TKT: variants seen among roughly 807,000 people sequenced by gnomAD.
TKT encodes the protein transketolase, also known as epididymis luminal protein 107.
In TKT, 47 loss-of-function variants were observed where a neutral mutation model predicts 63.9. That is an observed-to-expected ratio of 0.74 (90% CI 0.58 to 0.94). The LOEUF is 0.94. TKT is among the 40% of genes least tolerant of loss of function. The probability of loss-of-function intolerance (pLI) is 0.00; values close to 1 mark genes in which losing one functional copy is unlikely to be tolerated. For missense variants in TKT, 721 were observed against 846.2 expected (o/e 0.85, Z 1.84); for synonymous variants, 338 against 334.1 (o/e 1.01, Z -0.13).
intron 1 of TKT, among the ~76,000 whole-genome samples, chr3:53,247,004 C>A (rs943229843): frequency 3.3e-5 from 5 of 152,040 alleles, no homozygotes; most frequent in African/African-American, 9.7e-5. Context: ...GGAGCAGCTA[C>A]ACACAGGTTC....
chr3:53,242,374 G>A (rs893941143), intron 1 of TKT, 132 bp from the exon 2 acceptor site: 23 of 846,850 alleles, frequency 2.7e-5, no homozygotes, highest in East Asian at 1.3e-4. Flanking sequence ...AGACAGCCAC[G>A]AGCTCTTGTT....
chr3:53,246,783 G>A (rs782356415), intron 1 of TKT, among the ~76,000 whole-genome samples: 24 of 151,610 alleles, frequency 1.6e-4, no homozygotes, highest in East Asian at 5.8e-4. Flanking sequence ...CCCGGGAGGC[G>A]GAGGTTGAAG....
intron 8 of TKT, 52 bp from the exon 9 acceptor site, chr3:53,229,488 G>A (rs782656783): frequency 1.1e-5 from 17 of 1,552,642 alleles, no homozygotes; most frequent in African/African-American, 8.2e-5. Flanking sequence ...GAGGGTGGTC[G>A]GGGAGCCTAG....
Position 53,229,339 on chromosome 3 carries a change from A to G in TKT, c.1205T>C (p.Met402Thr). The G allele has an allele frequency of 6.2e-7, 1 of 1,614,004 alleles. No homozygotes were observed. The highest frequency in any genetic ancestry group is 8.5e-7 in the Non-Finnish European group (1 of 1,179,962). Reference sequence around the variant, plus strand: ...GATGTTGCTCTCGGAGATGGCGGCCATGCGAATCTGGTCAAAGGCCCGCGT... The same window carrying G: ...GATGTTGCTCTCGGAGATGGCGGCCGTGCGAATCTGGTCAAAGGCCCGCGT... ...FFTRAFDQIR[M>T]AAISESNINL... is the part of the protein sequence containing the mutation. Residue 402 changes from methionine to threonine, a missense_variant, in exon 9 of 14, where the codon ATG becomes ACG. Physicochemically the swap from Met to Thr is moderately conservative, Grantham distance 81 (BLOSUM62 -1). Coordinates refer to ENST00000462138, the MANE Select transcript of TKT (RefSeq NM_001064.4).
intron 8 of TKT, among the ~76,000 whole-genome samples, chr3:53,230,143 C>G (rs111371204): frequency 6.6e-6 from 1 of 152,172 alleles, no homozygotes; most frequent in Non-Finnish European, 1.5e-5. Flanking sequence ...ACCTACTGGC[C>G]AGGCCTGTCC....
intron 12 of TKT, 73 bp from the exon 13 acceptor site, chr3:53,226,951 G>A (rs1165194665): frequency 2.6e-6 from 4 of 1,530,276 alleles, no homozygotes; most frequent in African/African-American, 2.8e-5. Flanking sequence ...GGGGCCTGGT[G>A]GGACATCCTG....
At chr3:53,246,082 A>G (rs7617474) in intron 1 of TKT, among the ~76,000 whole-genome samples, 94,859 of 152,006 alleles carry the variant, frequency 0.62, 32,737 homozygotes, top group Non-Finnish European at 0.77. Flanking sequence ...AACCTGGCCA[A>G]CATGGTGAAA....
At chr3:53,232,485 C>A (rs1311047254) in intron 6 of TKT, 2 of 398,892 alleles carry the variant, frequency 5.0e-6, no homozygotes, top group African/African-American at 2.1e-5. Context: ...TGGGATCAGC[C>A]CCCCTCGTGC....
At chr3:53,225,962 G>A (rs201747579) in intron 13 of TKT, 31 bp from the exon 14 acceptor site, 7 of 1,591,880 alleles carry the variant, frequency 4.4e-6, no homozygotes, top group East Asian at 4.5e-5. Flanking sequence ...GTCAGAAGAC[G>A]AGGCCTCAGG....
At chr3:53,254,723 G>A (rs531383522) in intron 1 of TKT, among the ~76,000 whole-genome samples, 1 of 152,294 alleles carries the variant, frequency 6.6e-6, no homozygotes, top group Non-Finnish European at 1.5e-5. Context: ...GTGGTTAAGT[G>A]CCATTACTGT....
At chr3:53,234,931 C>T (rs368775022) in intron 5 of TKT, 52 bp downstream of exon 5, 2 of 1,532,752 alleles carry the variant, frequency 1.3e-6, no homozygotes, top group African/African-American at 2.7e-5. Context: ...GCTGTGATCA[C>T]AGACCACTCT....
intron 1 of TKT, among the ~76,000 whole-genome samples, chr3:53,248,908 A>C (rs1430294249): frequency 6.6e-6 from 1 of 152,178 alleles, no homozygotes; most frequent in African/African-American, 2.4e-5. Context: ...AAAATCACTT[A>C]CAATGTTATG....
intron 11 of TKT, 54 bp from the exon 12 acceptor site, chr3:53,228,203 CCT>C (rs1704584296): frequency 6.2e-7 from 1 of 1,613,492 alleles, no homozygotes; most frequent in Admixed American, 1.7e-5. Flanking sequence ...CAGGGTGTGC[CCT>C]GACTGCTGGG....
At chr3:53,247,334 G>T (rs1301532319) in intron 1 of TKT, among the ~76,000 whole-genome samples, 1 of 133,494 alleles carries the variant, frequency 7.5e-6, no homozygotes, top group African/African-American at 2.8e-5. Context: ...TCCAGCCTGG[G>T]AGACAAGAGT....
chr3:53,233,094 C>T, intron 6 of TKT, 62 bp downstream of exon 6: 4 of 1,421,456 alleles, frequency 2.8e-6, no homozygotes, highest in Admixed American at 1.7e-5. Flanking sequence ...CGGGTCAGAG[C>T]TACGTAGCCA....
chr3:53,240,188 TG>T, intron 4 of TKT, 62 bp downstream of exon 4: 1 of 1,492,440 alleles, frequency 6.7e-7, no homozygotes, highest in Non-Finnish European at 9.3e-7. Flanking sequence ...TGGTGAAGGG[TG>T]GGTCACCCAA....
rs1704639262 is a variant in TKT, at chr3:53,229,322, T to C, written c.1222A>G (p.Ser408Gly). The change falls in exon 9 of 14, where the codon AGC becomes GGC. Residue 408 changes from serine (S) to glycine (G), a missense_variant. Physicochemically the swap from Ser to Gly is moderately conservative, Grantham distance 56. Transcript: ENST00000462138. ...TGGGAGCCGCAGAGGTTGATGTTGC[T>C]CTCGGAGATGGCGGCCATGCGAATC... Reference protein sequence around the residue: ...DQIRMAAISESNINLCGSHCG... With the variant: ...DQIRMAAISEGNINLCGSHCG... 3 of 1,613,746 alleles carry C rather than the reference T, an allele frequency of 1.9e-6. No individual in the cohort carries two copies. In the South Asian group the frequency reaches 3.3e-5, roughly 18 times the overall value.
intron 1 of TKT, among the ~76,000 whole-genome samples, chr3:53,252,844 C>CTTT (rs200846216): frequency 6.8e-6 from 1 of 147,602 alleles, no homozygotes; most frequent in Admixed American, 6.8e-5. Context: ...AAGAGGCATT[C>CTTT]TTTTTTTTTT....
At chr3:53,229,554 G>T in intron 8 of TKT, 118 bp from the exon 9 acceptor site, 1 of 1,180,338 alleles carries the variant, frequency 8.5e-7, no homozygotes. Context: ...TCCTTTCTGG[G>T]CTTCTGAATA....
Sources: allele counts gnomAD v4.1 joint callset (sites outside exome capture counted in the v4.1 genomes callset), GRCh38; gene constraint gnomAD v4.1.1; transcripts MANE v1.5; gene names NCBI Gene and HGNC (gene_info 2026-07-23, HGNC 2026-07-21).